TRHDE: variants seen among roughly 807,000 people sequenced by gnomAD.
The protein encoded by TRHDE is thyrotropin releasing hormone degrading enzyme.
TRHDE carries 72 observed loss-of-function variants against 125.7 expected under a neutral mutation model. The observed-to-expected ratio is 0.57, with a 90% CI of 0.47 to 0.70. TRHDE has a LOEUF of 0.70. TRHDE is among the 30% of genes least tolerant of loss of function. The probability of loss-of-function intolerance (pLI) is 0.00; values close to 1 mark genes in which losing one functional copy is unlikely to be tolerated. For synonymous variants in TRHDE, 509 were observed against 509.1 expected, an observed-to-expected ratio of 1.00 and a Z score of 0.00; for missense variants, 1,110 against 1,327.1, an observed-to-expected ratio of 0.84 and a Z score of 2.54.
chr12:72,490,857 G>T (rs1315227183), intron 5 of TRHDE, among the ~76,000 whole-genome samples: 1 of 151,130 alleles, frequency 6.6e-6, no homozygotes, highest in East Asian at 1.9e-4. Context: ...GTAGTTAAGA[G>T]GATACAAATT....
rs544965188 is a variant in TRHDE at position 72,205,386 on chromosome 12, A to T, written n.279+99634A>T. Among the ~76,000 whole-genome samples, 4 of 152,018 alleles carry T rather than the reference A, an allele frequency of 2.6e-5. No homozygotes were observed. The East Asian group carries it at 7.7e-4, about 29-fold the overall frequency. ...TCATGCTAAAAAACATATAACATAA[A>T]CTTATTCTTTTAAAGTTTTTAAGTG... On this transcript the variant is annotated intron_variant and non_coding_transcript_variant, in intron 2 of 4. Transcript: ENST00000548156.
At chr12:72,269,938 A>C (rs1879157824), upstream of TRHDE, among the ~76,000 whole-genome samples, 4 of 152,326 alleles carry the variant, frequency 2.6e-5, no homozygotes, top group Middle Eastern at 0.01. Flanking sequence ...TCCTTTAGGC[A>C]GTGGGTCTTA....
intron 13 of TRHDE, among the ~76,000 whole-genome samples, chr12:72,620,898 A>G (rs1873025133): frequency 6.6e-6 from 1 of 152,080 alleles, no homozygotes; most frequent in African/African-American, 2.4e-5. Flanking sequence ...GTAGACTTGT[A>G]CCATTCCAAT....
intron 2 of TRHDE, among the ~76,000 whole-genome samples, chr12:72,213,115 C>A (rs1453553345): frequency 1.3e-5 from 2 of 152,004 alleles, no homozygotes; most frequent in African/African-American, 2.4e-5. Flanking sequence ...TGTATGATTC[C>A]ATTTCTATGA....
At chr12:72,532,033 A>T (rs1398859130) in intron 6 of TRHDE, among the ~76,000 whole-genome samples, 1 of 152,086 alleles carries the variant, frequency 6.6e-6, no homozygotes, top group African/African-American at 2.4e-5. Context: ...AGGATATTTG[A>T]CATTTTTGCA....
At chr12:72,437,334 C>G (rs1252836491) in intron 3 of TRHDE, among the ~76,000 whole-genome samples, 3 of 151,758 alleles carry the variant, frequency 2.0e-5, no homozygotes, top group Non-Finnish European at 4.4e-5. Context: ...AAGTTCATCC[C>G]TCTCTGATCT....
chr12:72,586,122 T>C (rs144728781), intron 12 of TRHDE, among the ~76,000 whole-genome samples: 179 of 151,184 alleles, frequency 1.2e-3, no homozygotes, highest in African/African-American at 4.1e-3. Context: ...GCTTCAACTG[T>C]AGGCAAGGTA....
chr12:72,193,611 G>T (rs1053530230), intron 2 of TRHDE, among the ~76,000 whole-genome samples: 2 of 152,060 alleles, frequency 1.3e-5, no homozygotes, highest in Non-Finnish European at 2.9e-5. Context: ...ACTTCACCGG[G>T]AAGTAGGGGG....
At chr12:72,306,706 AAAGCTT>A (rs1406253438) in intron 2 of TRHDE, 1 of 152,216 alleles carries the variant, frequency 6.6e-6, no homozygotes, top group Non-Finnish European at 1.5e-5. Context: ...TAAAATGGGC[AAAGCTT>A]CATGAAGCTT....
intron 15 of TRHDE, among the ~76,000 whole-genome samples, chr12:72,623,423 A>G (rs566847765): frequency 1.3e-5 from 2 of 152,198 alleles, no homozygotes; most frequent in Admixed American, 6.6e-5. Context: ...TTCTCTAGAA[A>G]GCATTCAAGC....
At chr12:72,327,467 G>A (rs1235423797) in intron 2 of TRHDE, among the ~76,000 whole-genome samples, 1 of 152,046 alleles carries the variant, frequency 6.6e-6, no homozygotes, top group Middle Eastern at 3.2e-3. Flanking sequence ...AAAACTGTTT[G>A]GATTTGGGGA....
chr12:72,222,114 T>C (rs954933053), intron 2 of TRHDE, among the ~76,000 whole-genome samples: 9 of 152,106 alleles, frequency 5.9e-5, no homozygotes, highest in Non-Finnish European at 8.8e-5. Flanking sequence ...ATTTTGTGAC[T>C]GAGCTATGGA....
At chr12:72,146,688 A>G (rs1876234692) in intron 2 of TRHDE, among the ~76,000 whole-genome samples, 1 of 152,206 alleles carries the variant, frequency 6.6e-6, no homozygotes, top group African/African-American at 2.4e-5. Context: ...GGGTGTCTGC[A>G]ACTCCCGTGT....
intron 15 of TRHDE, among the ~76,000 whole-genome samples, chr12:72,631,104 ATAT>A (rs1873477775): frequency 6.6e-6 from 1 of 151,278 alleles, no homozygotes; most frequent in South Asian, 2.1e-4. Flanking sequence ...TCATATATAA[ATAT>A]TATTTCATCC....
chr12:72,626,946 T>C (rs190517427), intron 15 of TRHDE, among the ~76,000 whole-genome samples: 1 of 151,896 alleles, frequency 6.6e-6, no homozygotes, highest in African/African-American at 2.4e-5. Flanking sequence ...ACTATTTTTC[T>C]TTTTCTTATT....
intron 3 of TRHDE, among the ~76,000 whole-genome samples, chr12:72,430,587 G>A (rs182687611): frequency 7.3e-4 from 110 of 151,518 alleles, no homozygotes; most frequent in Admixed American, 1.2e-3. Context: ...TAAATATGAG[G>A]ATTGTTTTCT....
intron 1 of TRHDE, among the ~76,000 whole-genome samples, chr12:72,090,765 T>A (rs539019443): frequency 6.6e-6 from 1 of 152,286 alleles, no homozygotes; most frequent in East Asian, 1.9e-4. Flanking sequence ...AAAGAAAAAT[T>A]AACTGTTATC....
At chr12:72,634,156 A>G (rs1270640033) in intron 15 of TRHDE, among the ~76,000 whole-genome samples, 1 of 152,116 alleles carries the variant, frequency 6.6e-6, no homozygotes, top group Non-Finnish European at 1.5e-5. Flanking sequence ...CCCATTTTCC[A>G]GAAGGGGAAA....
At chr12:72,184,490 CAAG>C (rs1877161438) in intron 2 of TRHDE, among the ~76,000 whole-genome samples, 2 of 152,100 alleles carry the variant, frequency 1.3e-5, no homozygotes, top group Admixed American at 6.5e-5. Flanking sequence ...CAGAACTAAT[CAAG>C]AAGAAGAGAT....
Sources: allele counts gnomAD v4.1 joint callset (sites outside exome capture counted in the v4.1 genomes callset), GRCh38; gene constraint gnomAD v4.1.1; transcripts MANE v1.5; gene names NCBI Gene and HGNC (gene_info 2026-07-23, HGNC 2026-07-21).